AGMO: variants seen among roughly 807,000 people sequenced by gnomAD.
AGMO encodes glyceryl-ether monooxygenase.
A neutral mutation model predicts 60.2 loss-of-function variants in AGMO; 75 were observed. That is an observed-to-expected ratio of 1.25 (90% CI 1.03 to 1.51). The LOEUF (loss-of-function observed/expected upper bound fraction) is 1.51. Among genes scored for constraint, AGMO ranks in the 40% most tolerant of loss-of-function variants. The probability of loss-of-function intolerance (pLI) is 0.00; values close to 1 mark genes in which losing one functional copy is unlikely to be tolerated. For missense variants in AGMO, 763 were observed against 525.5 expected (o/e 1.45, Z -4.42); for synonymous variants, 261 against 177.1 (o/e 1.47, Z -3.76).
At chr7:15,527,023 C>G (rs1442817136) in intron 3 of AGMO, among the ~76,000 whole-genome samples, 1 of 152,106 alleles carries the variant, frequency 6.6e-6, no homozygotes, top group Non-Finnish European at 1.5e-5. Flanking sequence ...CTTTCTCTCT[C>G]TCATTGTGCC....
intron 3 of AGMO, among the ~76,000 whole-genome samples, chr7:15,454,651 T>C (rs1781950702): frequency 6.6e-6 from 1 of 152,102 alleles, no homozygotes; most frequent in Non-Finnish European, 1.5e-5. Context: ...AATTTTCTAT[T>C]ATCCTCAAAC....
At chr7:15,196,950 T>C (rs1288165463), downstream of AGMO, among the ~76,000 whole-genome samples, 2 of 152,124 alleles carry the variant, frequency 1.3e-5, no homozygotes, top group African/African-American at 4.8e-5. Context: ...TTTCTAATTG[T>C]GTCTTGGGGA....
At chr7:15,177,496 C>T in the AGMO span, among the ~76,000 whole-genome samples, 16 of 152,164 alleles carry the variant, frequency 1.1e-4, no homozygotes, top group East Asian at 1.4e-3. Flanking sequence ...TTTAAAAACA[C>T]TTTTTCTTGA....
At chr7:15,538,495 A>G (rs187573758) in intron 3 of AGMO, among the ~76,000 whole-genome samples, 303 of 152,236 alleles carry the variant, frequency 2.0e-3, no homozygotes, top group Middle Eastern at 6.8e-3. Context: ...TGGTCTCCCT[A>G]GGCGCTGAGA....
chr7:15,470,216 G>C (rs921443483), intron 3 of AGMO, among the ~76,000 whole-genome samples: 6 of 151,972 alleles, frequency 3.9e-5, no homozygotes, highest in African/African-American at 1.4e-4. Context: ...AATATGCTCT[G>C]ATATTTAATC....
chr7:15,324,102 C>A (rs1781263997), intron 12 of AGMO, among the ~76,000 whole-genome samples: 1 of 152,312 alleles, frequency 6.6e-6, no homozygotes, highest in African/African-American at 2.4e-5. Flanking sequence ...AATAAGACTA[C>A]TTTAAGCCAA....
At chr7:15,410,050 A>G (rs1327939496) in intron 5 of AGMO, among the ~76,000 whole-genome samples, 8 of 151,726 alleles carry the variant, frequency 5.3e-5, no homozygotes, top group Admixed American at 4.6e-4. Flanking sequence ...TCTTTGGAAT[A>G]TATCAGTCCA....
chr7:15,554,522 C>G (rs928637577), intron 2 of AGMO, among the ~76,000 whole-genome samples: 1 of 152,010 alleles, frequency 6.6e-6, no homozygotes, highest in Non-Finnish European at 1.5e-5. Context: ...ATGAATTCCC[C>G]CAAACAGCAG....
intron 10 of AGMO, among the ~76,000 whole-genome samples, chr7:15,376,444 T>C (rs1783454850): frequency 6.6e-6 from 1 of 152,046 alleles, no homozygotes; most frequent in African/African-American, 2.4e-5. Flanking sequence ...GTTACAAAAT[T>C]GTAGTGCCCA....
intron 12 of AGMO, among the ~76,000 whole-genome samples, chr7:15,351,187 G>T (rs1458992710): frequency 6.6e-6 from 1 of 152,114 alleles, no homozygotes; most frequent in Non-Finnish European, 1.5e-5. Context: ...ATGGGCAAAT[G>T]TCTGCATAAT....
intron 3 of AGMO, among the ~76,000 whole-genome samples, chr7:15,483,221 T>G (rs1161894831): frequency 1.3e-5 from 2 of 152,194 alleles, no homozygotes; most frequent in Non-Finnish European, 2.9e-5. Flanking sequence ...CAAAAATTAT[T>G]ATATTTATAC....
At chr7:15,374,160 G>A (rs145046506) in intron 10 of AGMO, among the ~76,000 whole-genome samples, 231 of 151,666 alleles carry the variant, frequency 1.5e-3, no homozygotes, top group Non-Finnish European at 3.0e-3. Context: ...ATAATTATAT[G>A]TGAGTCTCAA....
the AGMO span, among the ~76,000 whole-genome samples, chr7:15,139,875 T>A: frequency 6.7e-6 from 1 of 149,990 alleles, no homozygotes; most frequent in Non-Finnish European, 1.5e-5. Context: ...TGATTCACTT[T>A]CCTGCCATTA....
chr7:15,470,366 G>A (rs1782419006), intron 3 of AGMO, among the ~76,000 whole-genome samples: 1 of 151,944 alleles, frequency 6.6e-6, no homozygotes, highest in Non-Finnish European at 1.5e-5. Context: ...GGTCTAAATA[G>A]TCATGTTGTA....
intron 12 of AGMO, among the ~76,000 whole-genome samples, chr7:15,321,827 G>C (rs1021865049): frequency 6.6e-6 from 1 of 151,994 alleles, no homozygotes; most frequent in African/African-American, 2.4e-5. Context: ...CCATAGGCTA[G>C]TAAATAGTCG....
At chr7:15,329,651 A>T (rs948520089) in intron 12 of AGMO, among the ~76,000 whole-genome samples, 1 of 152,186 alleles carries the variant, frequency 6.6e-6, no homozygotes, top group African/African-American at 2.4e-5. Flanking sequence ...AATTACACCT[A>T]TGTTATTCTT....
rs569251341 is a variant in AGMO, at chr7:15,364,880, T to C, written c.1263+634A>G. On this transcript the variant is annotated intron_variant, in intron 12 of 12. Transcript: ENST00000342526. ...GTCTTGGCACCAAAGTTAAACAATA[T>C]AACCCTGAATTGCAAACATAATACA... is the stretch of plus-strand genomic sequence containing the variant. 3.0e-3 allele frequency among the ~76,000 whole-genome samples: 460 copies of C among 152,216 alleles called. 3 individuals are homozygous for C. The highest frequency in any genetic ancestry group is 0.011 in the African/African-American group (442 of 41,564).
chr7:15,533,308 C>T (rs1163003295), intron 3 of AGMO, among the ~76,000 whole-genome samples: 1 of 151,942 alleles, frequency 6.6e-6, no homozygotes, highest in Non-Finnish European at 1.5e-5. Context: ...GTGTTTGTTG[C>T]ATTTTCATTT....
At chr7:15,304,185 C>G (rs1279554253) in intron 12 of AGMO, among the ~76,000 whole-genome samples, 1 of 152,112 alleles carries the variant, frequency 6.6e-6, no homozygotes, top group Non-Finnish European at 1.5e-5. Flanking sequence ...TCCCCCATTA[C>G]AATACAAATG....
Sources: gnomAD v4.1 joint callset for allele counts (sites outside exome capture counted in the v4.1 genomes callset) on GRCh38, gnomAD v4.1.1 for gene constraint, MANE v1.5 for transcripts, NCBI Gene and HGNC (gene_info 2026-07-23, HGNC 2026-07-21) for gene names.